Variants in FILIP1L observed in about 807,000 individuals in gnomAD.
The protein encoded by FILIP1L is filamin A interacting protein 1 like.
A neutral mutation model predicts 96.6 loss-of-function variants in FILIP1L; 55 were observed. The ratio of observed to expected loss-of-function variants is 0.57; its 90% CI spans 0.46 to 0.71. The LOEUF (loss-of-function observed/expected upper bound fraction) is 0.71, where lower values mean the gene tolerates loss of function less well. Ranked by LOEUF, FILIP1L falls within the 30% of genes least tolerant of loss-of-function variation. The probability of loss-of-function intolerance (pLI) is 0.00; values close to 1 mark genes in which losing one functional copy is unlikely to be tolerated. For synonymous variants in FILIP1L, 467 were observed against 473.9 expected, an observed-to-expected ratio of 0.99 and a Z score of 0.19; for missense variants, 1,304 against 1,321.2, an observed-to-expected ratio of 0.99 and a Z score of 0.20.
intron 1 of FILIP1L, among the ~76,000 whole-genome samples, chr3:100,071,387 G>A (rs1024732553): frequency 6.6e-6 from 1 of 152,132 alleles, no homozygotes; most frequent in Non-Finnish European, 1.5e-5. Flanking sequence ...AGTTCCTGCT[G>A]AGACTGCCAG....
chr3:100,021,112 G>T (rs2064809339), intron 1 of FILIP1L, among the ~76,000 whole-genome samples: 1 of 152,150 alleles, frequency 6.6e-6, no homozygotes, highest in Admixed American at 6.6e-5. Flanking sequence ...TTCAAGGCCG[G>T]TCAATTGCCT....
chr3:100,087,066 A>G (rs1179329720), intron 1 of FILIP1L, among the ~76,000 whole-genome samples: 6 of 152,222 alleles, frequency 3.9e-5, no homozygotes, highest in Non-Finnish European at 8.8e-5. Context: ...ATGTGCTGTC[A>G]TACAGCTGTA....
chr3:99,924,454 C>A (rs757063289), intron 3 of FILIP1L, 46 bp from the exon 4 acceptor site: 3 of 1,544,340 alleles, frequency 1.9e-6, no homozygotes, highest in Non-Finnish European at 2.7e-6. Context: ...TGTTTATATA[C>A]TGTTGTCTTT....
chr3:99,896,885 C>T (rs1457551983), intron 4 of FILIP1L, among the ~76,000 whole-genome samples: 1 of 152,106 alleles, frequency 6.6e-6, no homozygotes, highest in Non-Finnish European at 1.5e-5. Context: ...TCAGTGTATA[C>T]AACGGGTGCT....
chr3:99,978,872 G>A (rs537840634), intron 1 of FILIP1L, among the ~76,000 whole-genome samples: 1 of 151,934 alleles, frequency 6.6e-6, no homozygotes, highest in African/African-American at 2.4e-5. Flanking sequence ...GCAACAGAGC[G>A]AGACTCTTGT....
chr3:99,906,393 G>A (rs1706619996), intron 4 of FILIP1L, among the ~76,000 whole-genome samples: 1 of 151,886 alleles, frequency 6.6e-6, no homozygotes, highest in South Asian at 2.1e-4. Flanking sequence ...TTAAATTATT[G>A]GTTTATAGGA....
At chr3:99,983,342 T>C (rs1709183213) in intron 1 of FILIP1L, among the ~76,000 whole-genome samples, 2 of 145,302 alleles carry the variant, frequency 1.4e-5, no homozygotes, top group South Asian at 4.4e-4. Context: ...AAGACCAGCC[T>C]GGCCAACATG....
At chr3:99,925,608 G>C (rs1707267365) in intron 3 of FILIP1L, among the ~76,000 whole-genome samples, 1 of 152,134 alleles carries the variant, frequency 6.6e-6, no homozygotes. Flanking sequence ...ACAAAAGTAG[G>C]GATTCAGAGA....
At chr3:99,876,250 C>G (rs1215784243) in intron 4 of FILIP1L, 1 of 984,170 alleles carries the variant, frequency 1.0e-6, no homozygotes, top group East Asian at 1.1e-4. Flanking sequence ...GCGTGTGCGG[C>G]GCTGTCGGCG....
chr3:100,070,823 G>A lies in FILIP1L; in HGVS notation c.-11+43230C>T, dbSNP rs147363919. Among the ~76,000 whole-genome samples, 1,100 of 152,248 alleles carry A rather than the reference G, an allele frequency of 7.2e-3. 18 individuals are homozygous for A. The highest frequency in any genetic ancestry group is 0.024 in the African/African-American group (1,014 of 41,528). On this transcript the variant is annotated intron_variant, in intron 1 of 5. Coordinates refer to ENST00000477258, the MANE Select transcript of FILIP1L (RefSeq NM_001387850.1). ...ATTTTGTATTTTTAGTAGAGACCGGGTCTCACCATGTTGGCCAGGATATTC... is the reference window on the plus strand; with the variant it reads ...ATTTTGTATTTTTAGTAGAGACCGGATCTCACCATGTTGGCCAGGATATTC...
At chr3:99,922,624 G>T (rs1371107981) in intron 4 of FILIP1L, among the ~76,000 whole-genome samples, 1 of 152,162 alleles carries the variant, frequency 6.6e-6, no homozygotes, top group South Asian at 2.1e-4. Context: ...TGAATTGGAA[G>T]TAGTTGAATA....
intron 4 of FILIP1L, among the ~76,000 whole-genome samples, chr3:99,908,269 G>A (rs983895301): frequency 6.6e-6 from 1 of 152,216 alleles, no homozygotes; most frequent in African/African-American, 2.4e-5. Flanking sequence ...AAAGTGAGAA[G>A]AGGTATATGT....
chr3:100,032,596 A>G (rs566028371), intron 1 of FILIP1L, among the ~76,000 whole-genome samples: 1 of 152,346 alleles, frequency 6.6e-6, no homozygotes, highest in South Asian at 2.1e-4. Flanking sequence ...TCACAAGAAC[A>G]CATAAAAATC....
chr3:99,964,409 G>A lies in FILIP1L; in HGVS notation c.-10-33379C>T, dbSNP rs1708585655. The A allele has an allele frequency of 4.6e-5, 7 of 151,274 alleles. No homozygotes were observed. In the South Asian group the frequency reaches 1.5e-3, roughly 32 times the overall value. The allele number at this position is 151,274 out of a possible 1,614,324, so 9.4% of individuals were successfully genotyped here. On this transcript the variant is annotated intron_variant, in intron 1 of 5. Transcript: ENST00000477258. ...TTGTACTGGGCTAGGTGATGTTTAG[G>A]ATGGGTCCTTAAACAGGATCAAGGC...
chr3:100,097,259 A>G (rs2107449094), intron 1 of FILIP1L, among the ~76,000 whole-genome samples: 1 of 152,338 alleles, frequency 6.6e-6, no homozygotes, highest in South Asian at 2.1e-4. Flanking sequence ...CCATCCGTGG[A>G]AAAATTGTCT....
chr3:99,860,034 T>C (rs1944166029), intron 4 of FILIP1L, among the ~76,000 whole-genome samples: 1 of 152,356 alleles, frequency 6.6e-6, no homozygotes. Context: ...AACACTTTTT[T>C]TGGCATCTGC....
chr3:99,863,726 C>G (rs1006833853), intron 4 of FILIP1L, among the ~76,000 whole-genome samples: 1 of 152,130 alleles, frequency 6.6e-6, no homozygotes, highest in African/African-American at 2.4e-5. Context: ...TGTATTAAAA[C>G]GTATACTAGG....
intron 4 of FILIP1L, among the ~76,000 whole-genome samples, chr3:99,892,919 C>G (rs545470008): frequency 1.6e-4 from 24 of 152,076 alleles, no homozygotes; most frequent in Non-Finnish European, 2.4e-4. Context: ...GTACTATTGG[C>G]CTGTATTTTT....
At chr3:99,985,936 T>TG (rs1709327819) in intron 1 of FILIP1L, among the ~76,000 whole-genome samples, 1 of 152,052 alleles carries the variant, frequency 6.6e-6, no homozygotes, top group Non-Finnish European at 1.5e-5. Flanking sequence ...TAAAACACAT[T>TG]GGGGGTTAAA....
Sources: allele counts gnomAD v4.1 joint callset (sites outside exome capture counted in the v4.1 genomes callset), GRCh38; gene constraint gnomAD v4.1.1; transcripts MANE v1.5; gene names NCBI Gene and HGNC (gene_info 2026-07-23, HGNC 2026-07-21).